The following CPSF6 variants were observed in gnomAD, a reference collection of about 807,000 sequenced individuals.
CPSF6 encodes cleavage and polyadenylation specificity factor subunit 6.
A neutral mutation model predicts 56.7 loss-of-function variants in CPSF6; 10 were observed. That is an observed-to-expected ratio of 0.18 (90% confidence interval 0.11 to 0.30). The LOEUF (loss-of-function observed/expected upper bound fraction) is 0.30, where lower values mean the gene tolerates loss of function less well. Among genes scored for constraint, CPSF6 ranks in the 10% least tolerant of loss-of-function variants. The probability of loss-of-function intolerance (pLI) is 1.00; values close to 1 mark genes in which losing one functional copy is unlikely to be tolerated. For synonymous variants in CPSF6, 248 were observed against 244.8 expected (o/e 1.01, Z -0.12); for missense variants, 419 against 722.9 (o/e 0.58, Z 4.82).
intron 2 of CPSF6, chr12:69,252,335 A>G (rs537320477): frequency 3.7e-6 from 1 of 271,938 alleles, no homozygotes; most frequent in East Asian, 1.1e-4. Flanking sequence ...CCTCCTAACC[A>G]AGCTCTCAAA....
At chr12:69,259,156 T>TTAAA (rs1217811461) in intron 6 of CPSF6, 62 bp downstream of exon 6, 11 of 1,493,158 alleles carry the variant, frequency 7.4e-6, no homozygotes, top group Middle Eastern at 3.6e-4. Flanking sequence ...TGACTGTAAA[T>TTAAA]ATTAGATTGT....
intron 1 of CPSF6, among the ~76,000 whole-genome samples, chr12:69,241,336 ATAAGAC>A (rs1871606530): frequency 2.6e-5 from 4 of 152,376 alleles, no homozygotes; most frequent in African/African-American, 9.6e-5. Context: ...TCTAACGCTT[ATAAGAC>A]CTCTAGGAAA....
chr12:69,251,468 A>G (rs185087473), intron 2 of CPSF6, 130 bp downstream of exon 2: 88 of 566,224 alleles, frequency 1.6e-4, no homozygotes, highest in East Asian at 8.9e-4. Flanking sequence ...TGCTTGTCCA[A>G]TGAGGAGGGA....
At chr12:69,251,057 A>G in intron 1 of CPSF6, 72 bp from the exon 2 acceptor site, 1 of 1,430,080 alleles carries the variant, frequency 7.0e-7, no homozygotes, top group South Asian at 1.4e-5. Context: ...CAAAAAGTTG[A>G]ATTTGTATTC....
Position 69,258,816 on chromosome 12 carries a change from T to A in CPSF6, c.921T>A (p.Pro307=). The A allele has an allele frequency of 1.2e-6, 2 of 1,613,774 alleles. No individual in the cohort carries two copies. Among genetic ancestry groups the A allele is most frequent in the South Asian group, 2.2e-5 (2 of 91,048 alleles). The part of the protein sequence containing the change: ...PPPVPGYGPP[P]GPPPPQQGPP... ...CAGTTCCAGGCTACGGCCCCCCTCC[T>A]GGCCCACCACCTCCACAACAGGGAC... The change falls in exon 6 of 10, where the codon CCT becomes CCA. Residue 307 remains proline (P), a synonymous_variant. Transcript: ENST00000435070. This position sits in a 1 kb window ranked among gnomAD's most constrained non-coding sequence, Gnocchi z 4.2.
intron 1 of CPSF6, among the ~76,000 whole-genome samples, chr12:69,241,349 G>A (rs1057220117): frequency 1.1e-4 from 16 of 152,122 alleles, no homozygotes; most frequent in Non-Finnish European, 2.1e-4. Context: ...AGACCTCTAG[G>A]AAATTTTTTT....
At position 69,260,370 on chromosome 12, in the gene CPSF6, G is replaced by C. The variant is rs149312367; in HGVS notation, c.1469+173G>C. 8.1e-5 allele frequency among the ~76,000 whole-genome samples: 12 copies of C among 148,610 alleles called. 1 individual carries two copies. In the East Asian group the frequency reaches 2.3e-3, roughly 29 times the overall value. Reference sequence around the variant, plus strand: ...GTTGCTTGCTTAAAACCCTTTAAAGGCTCCTACTCAGTCTTAAAGCAAGAC... The same window carrying C: ...GTTGCTTGCTTAAAACCCTTTAAAGCCTCCTACTCAGTCTTAAAGCAAGAC... On this transcript the variant is annotated intron_variant, in intron 8 of 9. Coordinates refer to ENST00000435070, the MANE Select transcript of CPSF6 (RefSeq NM_007007.3).
At chr12:69,242,565 G>A (rs2120409676) in intron 1 of CPSF6, among the ~76,000 whole-genome samples, 1 of 152,280 alleles carries the variant, frequency 6.6e-6, no homozygotes, top group East Asian at 1.9e-4. Flanking sequence ...CAAGGGACTG[G>A]CTACTCCTTA....
chr12:69,251,884 CAT>C (rs1433786155), intron 2 of CPSF6, among the ~76,000 whole-genome samples: 2 of 152,218 alleles, frequency 1.3e-5, no homozygotes, highest in South Asian at 2.1e-4. Flanking sequence ...ATTAAATGCA[CAT>C]ATGTATATTT....
rs1873280304 is a variant in CPSF6, at chr12:69,272,221, G to A, written c.*2713G>A. The A allele has an allele frequency of 6.7e-6, 1 of 150,160 alleles. No homozygotes were observed. 9.3% of individuals were successfully genotyped at this position (150,160 alleles called of 1,614,324 possible). ...TGCAGTGGCTTTTGATCATAGTTTA[G>A]CCCATTTAATGGTCCTTTTACCTAG... On this transcript the variant is annotated 3_prime_UTR_variant, in exon 10 of 10. Transcript: ENST00000435070.
chr12:69,242,827 G>A (rs74368224), intron 1 of CPSF6, among the ~76,000 whole-genome samples: 192 of 152,256 alleles, frequency 1.3e-3, no homozygotes, highest in Non-Finnish European at 2.2e-3. Flanking sequence ...GAATTGTTTA[G>A]CGCGAGTGTG....
intron 1 of CPSF6, 142 bp downstream of exon 1, chr12:69,239,848 G>C (rs1291308821): frequency 7.4e-6 from 5 of 673,842 alleles, no homozygotes; most frequent in East Asian, 9.1e-5. Flanking sequence ...CCGACCCCTG[G>C]CGTGGCGCCC....
chr12:69,244,945 C>G (rs1367703605), intron 1 of CPSF6, among the ~76,000 whole-genome samples: 2 of 151,920 alleles, frequency 1.3e-5, no homozygotes, highest in Admixed American at 6.6e-5. Context: ...AGAGTACACT[C>G]TAACATAATG....
Position 69,273,334 on chromosome 12 carries a change from A to G in CPSF6, c.*3826A>G, listed in dbSNP as rs745890820. 2 of 271,124 alleles carry G rather than the reference A, an allele frequency of 7.4e-6. No individual in the cohort carries two copies. Among genetic ancestry groups the G allele is most frequent in the South Asian group, 3.6e-5 (1 of 27,704 alleles). 16.8% of individuals were successfully genotyped at this position (271,124 alleles called of 1,614,324 possible). A position where few individuals can be genotyped will look rare whatever the true frequency, so the allele number is the denominator to read the frequency against. ...AGTATGCAGCTACTATGGTTTTTGT[A>G]TGGGACGTATAAATACTTGATTATA... On this transcript the variant is annotated 3_prime_UTR_variant, in exon 10 of 10. Transcript: ENST00000435070.
chr12:69,251,215 C>T lies in CPSF6; in HGVS notation c.147C>T (p.Asp49=). The stretch of plus-strand genomic sequence containing the variant: ...CAAATAATGGAGATGCCCCAGAAGA[C>T]CGAGATTACATGGATACTCTCCCAC... ...PSANNGDAPE[D]RDYMDTLPPT... is the part of the protein sequence containing the mutation. The change falls in exon 2 of 10, where the codon GAC becomes GAT. Residue 49 remains aspartate, a synonymous_variant. Coordinates refer to ENST00000435070, the MANE Select transcript of CPSF6 (RefSeq NM_007007.3). 6.2e-7 allele frequency: 1 copy of T among 1,613,136 alleles called. No homozygotes were observed.
chr12:69,259,329 C>A, intron 6 of CPSF6, 99 bp from the exon 7 acceptor site: 3 of 1,424,998 alleles, frequency 2.1e-6, no homozygotes, highest in South Asian at 1.4e-5. Context: ...ATCTCTAAAG[C>A]ACATGTCAGA....
At position 69,272,960 on chromosome 12, in the gene CPSF6, G is replaced by C. The variant is rs181884670; in HGVS notation, c.*3452G>C. On this transcript the variant is annotated 3_prime_UTR_variant, in exon 10 of 10. Coordinates refer to ENST00000435070, the MANE Select transcript of CPSF6 (RefSeq NM_007007.3). ...GTGTATTTATTTTTTTAAGCAACTT[G>C]ACTCTTAGAAGCCTTAGACTGATTT... 1 of 213,656 alleles carries C rather than the reference G, an allele frequency of 4.7e-6. No individual in the cohort carries two copies. Among genetic ancestry groups the C allele is most frequent in the Admixed American group, 5.4e-5 (1 of 18,442 alleles). The allele number at this position is 213,656 out of a possible 1,614,324, so 13.2% of individuals were successfully genotyped here.
intron 2 of CPSF6, chr12:69,252,283 A>G (rs967980494): frequency 2.2e-5 from 7 of 316,154 alleles, no homozygotes; most frequent in African/African-American, 8.8e-5. Flanking sequence ...ACTTCTTGCT[A>G]TATTGCTTCA....
chr12:69,259,614 C>T (rs950853400), intron 7 of CPSF6, 71 bp downstream of exon 7: 1 of 1,265,702 alleles, frequency 7.9e-7, no homozygotes, highest in African/African-American at 1.5e-5. Context: ...TAAGTACAAT[C>T]TAGAAGATAG....
Sources: allele counts gnomAD v4.1 joint callset (sites outside exome capture counted in the v4.1 genomes callset), GRCh38; gene constraint gnomAD v4.1.1; non-coding constraint Gnocchi (gnomAD v3.1); transcripts MANE v1.5; gene names NCBI Gene and HGNC (gene_info 2026-07-23, HGNC 2026-07-21).